SLC35B1: variants seen among roughly 807,000 people sequenced by gnomAD.
The protein encoded by SLC35B1 is ATP/ADP exchanger ER.
A neutral mutation model predicts 36.6 loss-of-function variants in SLC35B1; 27 were observed. The observed-to-expected ratio is 0.74, with a 90% CI of 0.54 to 1.02. The LOEUF is 1.02. Ranked by LOEUF, SLC35B1 falls within the 50% of genes least tolerant of loss-of-function variation. SLC35B1 has a pLI of 0.00. For missense variants in SLC35B1, 321 were observed against 383.2 expected, an observed-to-expected ratio of 0.84 and a Z score of 1.35; for synonymous variants, 162 against 152.5, an observed-to-expected ratio of 1.06 and a Z score of -0.46.
intron 8 of SLC35B1, chr17:49,701,956 T>C (rs2073356781): frequency 2.6e-6 from 1 of 382,284 alleles, no homozygotes; most frequent in South Asian, 1.9e-5. Context: ...GGTCAGGTAT[T>C]GTGGTACATG....
At chr17:49,705,035 C>G in intron 5 of SLC35B1, 89 bp downstream of exon 5, 1 of 1,352,994 alleles carries the variant, frequency 7.4e-7, no homozygotes. Flanking sequence ...CCTCCCTTGA[C>G]ACAGAACTGG....
At chr17:49,701,876 GC>G in intron 8 of SLC35B1, 2 of 365,038 alleles carry the variant, frequency 5.5e-6, no homozygotes, top group Non-Finnish European at 5.5e-6. Flanking sequence ...GATCATTTGA[GC>G]CCAGGAGTTT....
chr17:49,707,372 A>T (rs1178120458), intron 1 of SLC35B1: 35 of 1,428,324 alleles, frequency 2.5e-5, no homozygotes, highest in Non-Finnish European at 3.2e-5. Flanking sequence ...TATTTCGGCT[A>T]TGGCACCAAG....
chr17:49,706,267 G>A lies in SLC35B1; in HGVS notation c.276C>T (p.Ile92=), dbSNP rs1409417461. The change falls in exon 3 of 9, where the codon ATC becomes ATT. Residue 92 remains isoleucine, a synonymous_variant. Coordinates refer to ENST00000240333, the MANE Select transcript of SLC35B1 (RefSeq NM_005827.4). ...TGGAGACCATGGCACCCAGATAGGA[G>A]ATAGAACAGGCAGCATAGAGCCAGC... ...TRSWLYAACS[I]SYLGAMVSSN... 3 of 1,585,076 alleles carry A rather than the reference G, an allele frequency of 1.9e-6. No homozygotes were observed. Among genetic ancestry groups the A allele is most frequent in the Admixed American group, 1.8e-5 (1 of 55,624 alleles).
At chr17:49,705,513 G>A in intron 4 of SLC35B1, 2 of 589,332 alleles carry the variant, frequency 3.4e-6, no homozygotes, top group Non-Finnish European at 6.0e-6. Context: ...GTCCAGGAAG[G>A]GACAGGACAA....
In SLC35B1 at chr17:49,701,407, G is replaced by C; in HGVS notation, c.*51C>G. 1 of 1,417,726 alleles carries C rather than the reference G, an allele frequency of 7.1e-7. No homozygotes were observed. Among genetic ancestry groups the C allele is most frequent in the Non-Finnish European group, 1.0e-6 (1 of 1,001,676 alleles). 87.8% of individuals were successfully genotyped at this position (1,417,726 alleles called of 1,614,324 possible). ...GTCCATTTTCCCAAGAGATGTCACT[G>C]TTTGAGATAATAACTTAAATATTCT... On this transcript the variant is annotated 3_prime_UTR_variant, in exon 9 of 9. Transcript: ENST00000240333.
chr17:49,702,748 A>G, intron 8 of SLC35B1, 110 bp downstream of exon 8: 5 of 1,277,962 alleles, frequency 3.9e-6, no homozygotes, highest in Non-Finnish European at 5.4e-6. Flanking sequence ...CTCCGTCTCA[A>G]AAAAAAGAGA....
In SLC35B1 at chr17:49,707,712, G is replaced by A; in HGVS notation, c.104+18C>T. The A allele has an allele frequency of 6.2e-7, 1 of 1,607,264 alleles. No homozygotes were observed. Among genetic ancestry groups the A allele is most frequent in the African/African-American group, 1.3e-5 (1 of 74,910 alleles). On this transcript the variant is annotated intron_variant, in intron 1 of 8. Transcript: ENST00000240333. ...CAGGCTGGGGAGAGACTGTCGGCCCGCCCCCGGGGTCGCTCACATCTTTTC... is the reference window on the plus strand; with the variant it reads ...CAGGCTGGGGAGAGACTGTCGGCCCACCCCCGGGGTCGCTCACATCTTTTC...
At chr17:49,703,848 T>A in intron 6 of SLC35B1, 1 of 455,176 alleles carries the variant, frequency 2.2e-6, no homozygotes, top group Non-Finnish European at 4.1e-6. Flanking sequence ...GGTACCTCCC[T>A]GTGTTTTACT....
At chr17:49,704,828 TGAGA>T (rs2143656125) in intron 5 of SLC35B1, among the ~76,000 whole-genome samples, 1 of 152,322 alleles carries the variant, frequency 6.6e-6, no homozygotes, top group South Asian at 2.1e-4. Flanking sequence ...AAAGCCACAG[TGAGA>T]GACATTATTC....
At position 49,701,180 on chromosome 17, in the gene SLC35B1, G is replaced by GT; in HGVS notation, c.*277dup. 1 of 369,526 alleles carries GT rather than the reference G, an allele frequency of 2.7e-6. No homozygotes were observed. Among genetic ancestry groups the GT allele is most frequent in the Non-Finnish European group, 5.1e-6 (1 of 197,554 alleles). The allele number at this position is 369,526 out of a possible 1,614,324, so 22.9% of individuals were successfully genotyped here. A position where few individuals can be genotyped will look rare whatever the true frequency, so the allele number is the denominator to read the frequency against. On this transcript the variant is annotated 3_prime_UTR_variant, in exon 9 of 9. Coordinates refer to ENST00000240333, the MANE Select transcript of SLC35B1 (RefSeq NM_005827.4). ...CCACTCAACCATGCTAACCACACCC[G>GT]TGAGAGGAGCAGCCTGGGTAATGAA...
In SLC35B1 at chr17:49,701,346, A is replaced by G; in HGVS notation, c.*112T>C. The stretch of plus-strand genomic sequence containing the variant: ...TGATTTTGCTTGATTTTATTTTATT[A>G]AAAAAGACTGGAACTCAGTCCCATA... On this transcript the variant is annotated 3_prime_UTR_variant, in exon 9 of 9. Transcript: ENST00000240333. The G allele has an allele frequency of 1.2e-6, 1 of 805,096 alleles. No homozygotes were observed. Among genetic ancestry groups the G allele is most frequent in the African/African-American group, 1.7e-5 (1 of 57,884 alleles). The allele number at this position is 805,096 out of a possible 1,614,324, so 49.9% of individuals were successfully genotyped here.
chr17:49,703,346 G>A, intron 6 of SLC35B1, 52 bp from the exon 7 acceptor site: 1 of 667,724 alleles, frequency 1.5e-6, no homozygotes, highest in Non-Finnish European at 2.4e-6. Flanking sequence ...CACAAAATGT[G>A]CGCACACACA....
rs898366968 is a variant in SLC35B1, at chr17:49,707,185, A to G, written c.105-117T>C. 2.3e-6 allele frequency: 3 copies of G among 1,321,922 alleles called. No homozygotes were observed. The East Asian group carries it at 7.4e-5, about 33-fold the overall frequency. 81.9% of individuals were successfully genotyped at this position (1,321,922 alleles called of 1,614,324 possible). A position where few individuals can be genotyped will look rare whatever the true frequency, so the allele number is the denominator to read the frequency against. On this transcript the variant is annotated intron_variant, in intron 1 of 8. Coordinates refer to ENST00000240333, the MANE Select transcript of SLC35B1 (RefSeq NM_005827.4). ...TTATCTTGCCTCTCTGGATGTAGGC[A>G]GAGTTTGTTAAGGACCACTAGGCTC...
chr17:49,707,617 G>A, intron 1 of SLC35B1, 113 bp downstream of exon 1: 8 of 1,454,036 alleles, frequency 5.5e-6, no homozygotes, highest in Non-Finnish European at 7.4e-6. Context: ...GGTGCTAAGA[G>A]GGCGACAGCC....
rs1299492388 is a variant in SLC35B1 at position 49,705,617 on chromosome 17, G to A, written c.370+249C>T. 2.0e-5 allele frequency: 12 copies of A among 598,206 alleles called. No homozygotes were observed. The East Asian group carries it at 3.3e-4, about 17-fold the overall frequency. 37.1% of individuals were successfully genotyped at this position (598,206 alleles called of 1,614,324 possible). A position where few individuals can be genotyped will look rare whatever the true frequency, so the allele number is the denominator to read the frequency against. On this transcript the variant is annotated intron_variant, in intron 4 of 8. Transcript: ENST00000240333. ...TTGTCTAATGACAATATAAACACAT[G>A]CAACACAGAAATGGCTGACCAAGTG... is the stretch of plus-strand genomic sequence containing the variant.
rs753289312 is a variant in SLC35B1, at chr17:49,702,847, T to C, written c.916+11A>G. The C allele has an allele frequency of 7.4e-6, 12 of 1,611,280 alleles. No individual in the cohort carries two copies. The highest frequency in any genetic ancestry group is 3.3e-5 in the South Asian group (3 of 90,958). On this transcript the variant is annotated intron_variant, in intron 8 of 8. Transcript: ENST00000240333. Reference sequence around the variant, plus strand: ...ATTCAGCTGTCACTGTGTCTCTGTGTGGCCACTTACCCAGGAACACAAGCA... The same window carrying C: ...ATTCAGCTGTCACTGTGTCTCTGTGCGGCCACTTACCCAGGAACACAAGCA...
At chr17:49,708,165 A>T (rs1418205416), upstream of SLC35B1, 3 of 676,944 alleles carry the variant, frequency 4.4e-6, no homozygotes, top group Non-Finnish European at 8.0e-6. Flanking sequence ...AACTCTGAGG[A>T]CAACTGCGAC....
At chr17:49,705,670 T>C (rs982760093) in intron 4 of SLC35B1, 196 bp downstream of exon 4, 2 of 657,338 alleles carry the variant, frequency 3.0e-6, no homozygotes, top group Admixed American at 5.3e-5. Flanking sequence ...CTTTAGCTCC[T>C]ATTAAGGATT....
Sources: allele counts gnomAD v4.1 joint callset (sites outside exome capture counted in the v4.1 genomes callset), GRCh38; gene constraint gnomAD v4.1.1; transcripts MANE v1.5; gene names NCBI Gene and HGNC (gene_info 2026-07-23, HGNC 2026-07-21).